Variants in CDK14 observed in about 807,000 individuals in gnomAD.
CDK14 encodes cyclin-dependent kinase 14.
Under a neutral mutation model 60.7 loss-of-function variants are expected in CDK14, and 34 were observed. That is an observed-to-expected ratio of 0.56 (90% CI 0.43 to 0.75). CDK14 has a LOEUF of 0.75. Among genes scored for constraint, CDK14 ranks in the 30% least tolerant of loss-of-function variants. The pLI, the probability that CDK14 is intolerant of heterozygous loss-of-function variation, is 0.00. For synonymous variants in CDK14, 197 were observed against 203.7 expected (o/e 0.97, Z 0.28); for missense variants, 482 against 564.1 (o/e 0.85, Z 1.47).
At chr7:91,071,123 G>T (rs904974739) in intron 11 of CDK14, among the ~76,000 whole-genome samples, 4 of 152,086 alleles carry the variant, frequency 2.6e-5, no homozygotes, top group Non-Finnish European at 1.5e-5. Context: ...GTAACAATTT[G>T]TTAAAAAAAT....
chr7:90,755,160 A>G (rs753845402), intron 4 of CDK14, among the ~76,000 whole-genome samples: 3 of 152,224 alleles, frequency 2.0e-5, no homozygotes, highest in Non-Finnish European at 4.4e-5. Flanking sequence ...AGACACATGC[A>G]GTTTTATGTT....
rs1444022136 is a variant in CDK14, at chr7:91,037,701, G to A, written c.1042-8196G>A. Among the ~76,000 whole-genome samples, 3 of 152,188 alleles carry A rather than the reference G, an allele frequency of 2.0e-5. No individual in the cohort carries two copies. In the East Asian group the frequency reaches 5.8e-4, roughly 29 times the overall value. On this transcript the variant is annotated intron_variant, in intron 10 of 14. Transcript: ENST00000380050. ...TTGTCAGTAAACTGGTTATAAACCT[G>A]ATATTGCACACATGATATCAATAAA... is the stretch of plus-strand genomic sequence containing the variant.
At chr7:90,652,507 A>T (rs1800664829) in intron 2 of CDK14, among the ~76,000 whole-genome samples, 1 of 152,222 alleles carries the variant, frequency 6.6e-6, no homozygotes, top group South Asian at 2.1e-4. Context: ...ATTGAGGGAT[A>T]GCAAAGGAGT....
chr7:90,635,493 A>T (rs1167884421), intron 2 of CDK14, among the ~76,000 whole-genome samples: 1 of 152,106 alleles, frequency 6.6e-6, no homozygotes, highest in Non-Finnish European at 1.5e-5. Flanking sequence ...ATTGATCTAT[A>T]TCTCTGTTTT....
At chr7:90,726,446 T>C (rs2116710133) in intron 2 of CDK14, 121 bp from the exon 3 acceptor site, 1 of 1,249,140 alleles carries the variant, frequency 8.0e-7, no homozygotes, top group East Asian at 2.5e-5. Flanking sequence ...TTTTAGAATG[T>C]GGGCTTTTTG....
At position 90,776,989 on chromosome 7, in the gene CDK14, A is replaced by T. The variant is rs371118171; in HGVS notation, c.465-13584A>T. Among the ~76,000 whole-genome samples, 7 of 150,012 alleles carry T rather than the reference A, an allele frequency of 4.7e-5. No homozygotes were observed. In the South Asian group the frequency reaches 1.3e-3, roughly 27 times the overall value. ...GTTCCGATGGTTTCTCAACAATTAG[A>T]AAGCAAAATAGTGACACGAAGTTAG... On this transcript the variant is annotated intron_variant, in intron 4 of 14. Coordinates refer to ENST00000380050, the MANE Select transcript of CDK14 (RefSeq NM_001287135.2).
At chr7:90,872,683 T>C (rs199706804) in intron 6 of CDK14, among the ~76,000 whole-genome samples, 3 of 120,512 alleles carry the variant, frequency 2.5e-5, no homozygotes, top group Non-Finnish European at 5.3e-5. Flanking sequence ...ATCATATCTA[T>C]CATCTCTATA....
In CDK14 at chr7:90,931,332, A is replaced by C. The variant is rs184078332; in HGVS notation, c.826+13608A>C. 4.6e-5 allele frequency among the ~76,000 whole-genome samples: 7 copies of C among 152,358 alleles called. No individual in the cohort carries two copies. The East Asian group carries it at 1.3e-3, about 29-fold the overall frequency. The stretch of plus-strand genomic sequence containing the variant: ...GGGCTATCTGTAAATTGAAAGCACA[A>C]ATGTTGAAGGCAGTAAAACATTCTA... On this transcript the variant is annotated intron_variant, in intron 8 of 14. Coordinates refer to ENST00000380050, the MANE Select transcript of CDK14 (RefSeq NM_001287135.2).
chr7:90,690,537 A>G (rs1023684932), intron 2 of CDK14, among the ~76,000 whole-genome samples: 4 of 152,198 alleles, frequency 2.6e-5, no homozygotes, highest in Non-Finnish European at 4.4e-5. Flanking sequence ...TTTTGTTTAT[A>G]AAGTATTATT....
intron 5 of CDK14, among the ~76,000 whole-genome samples, chr7:90,805,482 CAT>C (rs1788789730): frequency 2.0e-5 from 3 of 151,948 alleles, no homozygotes; most frequent in African/African-American, 4.8e-5. Flanking sequence ...TAGCAATGAA[CAT>C]GTGGAAAACA....
chr7:91,200,014 C>T (rs1049678181), intron 14 of CDK14, among the ~76,000 whole-genome samples: 4 of 152,090 alleles, frequency 2.6e-5, no homozygotes, highest in Non-Finnish European at 5.9e-5. Flanking sequence ...TGTTTCATAC[C>T]ATTTCCTCCA....
chr7:91,152,858 A>G (rs1426989612), intron 14 of CDK14, among the ~76,000 whole-genome samples: 3 of 152,214 alleles, frequency 2.0e-5, no homozygotes, highest in South Asian at 2.1e-4. Context: ...TGATTTGCCT[A>G]TGGTAAGAAT....
chr7:90,602,431 A>G (rs1451068539), intron 1 of CDK14, among the ~76,000 whole-genome samples: 1 of 152,240 alleles, frequency 6.6e-6, no homozygotes, highest in African/African-American at 2.4e-5. Context: ...ATTTAGAATT[A>G]CATTACTAAT....
At position 91,152,961 on chromosome 7, in the gene CDK14, A is replaced by C. The variant is rs182843422; in HGVS notation, c.*28+34753A>C. On this transcript the variant is annotated intron_variant, in intron 14 of 14. Coordinates refer to ENST00000380050, the MANE Select transcript of CDK14 (RefSeq NM_001287135.2). ...GAAGCCCCAAATAGTTTATAGTATA[A>C]ATAAGTCAAAGCTATGCTCTGAAGA... 3.6e-4 allele frequency among the ~76,000 whole-genome samples: 55 copies of C among 152,326 alleles called. No homozygotes were observed. The East Asian group carries it at 8.1e-3, about 22-fold the overall frequency.
chr7:90,813,616 G>A (rs377119789), intron 5 of CDK14, among the ~76,000 whole-genome samples: 2 of 152,122 alleles, frequency 1.3e-5, no homozygotes, highest in South Asian at 4.1e-4. Context: ...GGGCACGGTG[G>A]CATGTGCCTG....
Position 91,208,130 on chromosome 7 carries a change from A to G in CDK14, c.*994A>G, listed in dbSNP as rs567122312. The G allele has an allele frequency of 6.5e-6, 1 of 152,778 alleles. No individual in the cohort carries two copies. The highest frequency in any genetic ancestry group is 2.4e-5 in the African/African-American group (1 of 41,590). 9.5% of individuals were successfully genotyped at this position (152,778 alleles called of 1,614,324 possible). A position where few individuals can be genotyped will look rare whatever the true frequency, so the allele number is the denominator to read the frequency against. The stretch of plus-strand genomic sequence containing the variant: ...CCAGTTCAAAGTTTGCTTAGTTACA[A>G]CAAAGCACCTTTAAAAAAAATACAT... On this transcript the variant is annotated 3_prime_UTR_variant, in exon 15 of 15. Coordinates refer to ENST00000380050, the MANE Select transcript of CDK14 (RefSeq NM_001287135.2).
At chr7:90,856,378 T>C (rs1328578180) in intron 5 of CDK14, among the ~76,000 whole-genome samples, 1 of 152,198 alleles carries the variant, frequency 6.6e-6, no homozygotes, top group Non-Finnish European at 1.5e-5. Context: ...TATTCCTCTA[T>C]TTTTTCATTC....
chr7:90,657,594 T>G (rs755059761), intron 2 of CDK14, among the ~76,000 whole-genome samples: 6 of 152,206 alleles, frequency 3.9e-5, no homozygotes, highest in Non-Finnish European at 8.8e-5. Flanking sequence ...TTTTTAAGCA[T>G]GTGAAATGTG....
In CDK14 at chr7:90,684,988, ATT is replaced by A. The variant is rs35392530; in HGVS notation, c.124-41568_124-41567del. Among the ~76,000 whole-genome samples the A allele has an allele frequency of 9.6e-3, 1,397 of 144,882 alleles. 25 individuals carry two copies. Among genetic ancestry groups the A allele is most frequent in the African/African-American group, 0.029 (1,153 of 39,672 alleles). On this transcript the variant is annotated intron_variant, in intron 2 of 14. Transcript: ENST00000380050. ...AATATGTATATGTTTTTATGCATAG[ATT>A]TTTTTTTTTTCATTTTTAGGGAATC...
Sources: gnomAD v4.1 joint callset for allele counts (sites outside exome capture counted in the v4.1 genomes callset) on GRCh38, gnomAD v4.1.1 for gene constraint, MANE v1.5 for transcripts, NCBI Gene and HGNC (gene_info 2026-07-23, HGNC 2026-07-21) for gene names.